The following PLCB1 variants were observed in gnomAD, a reference collection of about 807,000 sequenced individuals.
The protein encoded by PLCB1 is phospholipase C beta 1.
Under a neutral mutation model 161.8 loss-of-function variants are expected in PLCB1, and 46 were observed. The ratio of observed to expected loss-of-function variants is 0.28; its 90% CI spans 0.22 to 0.36. The LOEUF (loss-of-function observed/expected upper bound fraction) is 0.36. PLCB1 is among the 10% of genes least tolerant of loss of function. PLCB1 has a pLI of 1.00. For missense variants in PLCB1, 1,016 were observed against 1,472.5 expected, an observed-to-expected ratio of 0.69 and a Z score of 5.07; for synonymous variants, 517 against 503.7, an observed-to-expected ratio of 1.03 and a Z score of -0.35.
intron 10 of PLCB1, among the ~76,000 whole-genome samples, chr20:8,695,836 T>G (rs1037462457): frequency 3.3e-5 from 5 of 152,240 alleles, no homozygotes; most frequent in African/African-American, 1.2e-4. Context: ...TATTACTCTT[T>G]CAAAAATAGT....
chr20:8,652,168 A>G (rs1388866946), intron 7 of PLCB1: 1 of 152,120 alleles, frequency 6.6e-6, no homozygotes, highest in Non-Finnish European at 1.5e-5. Context: ...AAACTTTCAG[A>G]CCAATGTCAA....
At chr20:8,544,483 A>G (rs1188319904) in intron 3 of PLCB1, among the ~76,000 whole-genome samples, 1 of 152,236 alleles carries the variant, frequency 6.6e-6, no homozygotes, top group Non-Finnish European at 1.5e-5. Context: ...TCTTGGGAAT[A>G]CAATTTTCTT....
chr20:8,379,730 C>CCT (rs2122380770), intron 3 of PLCB1, among the ~76,000 whole-genome samples: 1 of 152,162 alleles, frequency 6.6e-6, no homozygotes, highest in Admixed American at 6.5e-5. Context: ...TCATATGTTT[C>CCT]TTGGCTGCAT....
intron 2 of PLCB1, among the ~76,000 whole-genome samples, chr20:8,239,065 G>T (rs1980477789): frequency 6.6e-6 from 1 of 151,976 alleles, no homozygotes; most frequent in Non-Finnish European, 1.5e-5. Context: ...GGATAGTTGA[G>T]TAAACAGAAA....
intron 2 of PLCB1, among the ~76,000 whole-genome samples, chr20:8,231,130 A>G (rs6055681): frequency 0.062 from 9,364 of 152,164 alleles, 813 homozygotes; most frequent in African/African-American, 0.19. Flanking sequence ...ACCCTGCCAC[A>G]ATTTAGATTG....
At chr20:8,197,437 T>C (rs6108117) in intron 2 of PLCB1, among the ~76,000 whole-genome samples, 3,861 of 152,308 alleles carry the variant, frequency 0.025, 181 homozygotes, top group African/African-American at 0.087. Flanking sequence ...TTTTCATGTG[T>C]CTGTTGGCTG....
At chr20:8,878,020 T>A (rs1481175489) in intron 31 of PLCB1, among the ~76,000 whole-genome samples, 1 of 152,240 alleles carries the variant, frequency 6.6e-6, no homozygotes, top group Non-Finnish European at 1.5e-5. Flanking sequence ...AATTAAATTA[T>A]TTAAAATGTT....
In PLCB1 at chr20:8,242,609, T is replaced by C. The variant is rs1377841690; in HGVS notation, c.177+92238T>C. Among the ~76,000 whole-genome samples the C allele has an allele frequency of 2.0e-5, 3 of 151,922 alleles. No individual in the cohort carries two copies. In the East Asian group the frequency reaches 5.8e-4, roughly 30 times the overall value. On this transcript the variant is annotated intron_variant, in intron 2 of 31. Coordinates refer to ENST00000338037, the MANE Select transcript of PLCB1 (RefSeq NM_015192.4). ...TGAGCGCCAGAGGTGAGCTGAAAGG[T>C]AATGGTAACAATAGAGGCCTAGGGA...
chr20:8,804,385 G>A (rs754132732), intron 31 of PLCB1, among the ~76,000 whole-genome samples: 7 of 151,640 alleles, frequency 4.6e-5, no homozygotes, highest in Non-Finnish European at 8.8e-5. Flanking sequence ...ACAATACCTA[G>A]ACTTCAAACA....
chr20:8,406,779 A>G (rs531109226), intron 3 of PLCB1, among the ~76,000 whole-genome samples: 7 of 152,208 alleles, frequency 4.6e-5, no homozygotes, highest in Non-Finnish European at 1.0e-4. Flanking sequence ...AGAAAAAACA[A>G]GAATTATAGT....
intron 31 of PLCB1, among the ~76,000 whole-genome samples, chr20:8,847,568 T>G (rs765136365): frequency 6.6e-6 from 1 of 152,144 alleles, no homozygotes; most frequent in African/African-American, 2.4e-5. Context: ...TGTCGAACCA[T>G]TCAATTCAAT....
At chr20:8,772,137 C>T (rs1039739819) in intron 26 of PLCB1, among the ~76,000 whole-genome samples, 10 of 151,546 alleles carry the variant, frequency 6.6e-5, no homozygotes, top group Non-Finnish European at 1.3e-4. Context: ...CACCTCGGCC[C>T]CCAAAAGTGC....
intron 3 of PLCB1, among the ~76,000 whole-genome samples, chr20:8,420,980 C>T (rs927633378): frequency 6.6e-6 from 1 of 152,060 alleles, no homozygotes; most frequent in Non-Finnish European, 1.5e-5. Context: ...TGAAAAAGAA[C>T]TAAAAAAGCC....
chr20:8,611,141 T>C (rs539361594), intron 3 of PLCB1, among the ~76,000 whole-genome samples: 2 of 152,068 alleles, frequency 1.3e-5, no homozygotes, highest in South Asian at 4.1e-4. Context: ...AAGGATGAAA[T>C]GATGAAGTGG....
At chr20:8,812,446 G>T (rs1600348063) in intron 31 of PLCB1, among the ~76,000 whole-genome samples, 2 of 152,026 alleles carry the variant, frequency 1.3e-5, no homozygotes, top group Non-Finnish European at 2.9e-5. Flanking sequence ...AGCGGGGGCT[G>T]GTGAAAGCTG....
intron 27 of PLCB1, among the ~76,000 whole-genome samples, chr20:8,786,185 C>G (rs1313204959): frequency 6.6e-6 from 1 of 152,100 alleles, no homozygotes; most frequent in African/African-American, 2.4e-5. Context: ...GAGAAAAGCC[C>G]TCTAGGGAAG....
rs574355561 is a variant in PLCB1 at position 8,795,830 on chromosome 20, G to A, written c.3423+5569G>A. 4.7e-4 allele frequency among the ~76,000 whole-genome samples: 69 copies of A among 148,304 alleles called. 1 individual carries two copies. Among genetic ancestry groups the A allele is most frequent in the African/African-American group, 7.9e-4 (32 of 40,260 alleles). On this transcript the variant is annotated intron_variant, in intron 31 of 31. Coordinates refer to ENST00000338037, the MANE Select transcript of PLCB1 (RefSeq NM_015192.4). ...GCGGAGGTTGCAGTGAGCCGAGATC[G>A]CGCCACTGCATTCAAGCCTGGGCGA...
At chr20:8,534,050 A>G (rs1984942920) in intron 3 of PLCB1, among the ~76,000 whole-genome samples, 1 of 152,148 alleles carries the variant, frequency 6.6e-6, no homozygotes, top group African/African-American at 2.4e-5. Context: ...TATAAGGTGT[A>G]AGGAAGGCAT....
chr20:8,326,265 G>T (rs1985149222), intron 2 of PLCB1, among the ~76,000 whole-genome samples: 1 of 152,166 alleles, frequency 6.6e-6, no homozygotes, highest in Non-Finnish European at 1.5e-5. Context: ...CTACAGAATA[G>T]ATTCTTCATA....
Sources: allele counts gnomAD v4.1 joint callset (sites outside exome capture counted in the v4.1 genomes callset), GRCh38; gene constraint gnomAD v4.1.1; transcripts MANE v1.5; gene names NCBI Gene and HGNC (gene_info 2026-07-23, HGNC 2026-07-21).